Variants in PLXNC1 observed in about 807,000 individuals in gnomAD.
PLXNC1 encodes plexin C1, also known as plexin-C1.
In PLXNC1, 75 loss-of-function variants were observed where a neutral mutation model predicts 178.2. That is an observed-to-expected ratio of 0.42 (90% CI 0.35 to 0.51). The LOEUF is 0.51. Ranked by LOEUF, PLXNC1 falls within the 20% of genes least tolerant of loss-of-function variation. PLXNC1 has a pLI of 0.02. For missense variants in PLXNC1, 1,503 were observed against 1,984.4 expected, an observed-to-expected ratio of 0.76 and a Z score of 4.61; for synonymous variants, 790 against 779.9, an observed-to-expected ratio of 1.01 and a Z score of -0.22.
At chr12:94,274,694 C>T (rs1396690231) in intron 21 of PLXNC1, among the ~76,000 whole-genome samples, 1 of 152,190 alleles carries the variant, frequency 6.6e-6, no homozygotes, top group Non-Finnish European at 1.5e-5. Flanking sequence ...TTGGACCATG[C>T]TTACTTTACA....
At chr12:94,264,262 TC>T (rs1965108504) in intron 20 of PLXNC1, among the ~76,000 whole-genome samples, 3 of 152,042 alleles carry the variant, frequency 2.0e-5, no homozygotes, top group African/African-American at 7.2e-5. Context: ...AATGCAGACA[TC>T]CGTGTCTGCG....
Position 94,248,062 on chromosome 12 carries a change from C to G in PLXNC1, c.2548C>G (p.Arg850Gly). The change falls in exon 13 of 31, where the codon CGG becomes GGG. Residue 850 changes from arginine (R) to glycine (G), a missense_variant. This residue lies in a region of PLXNC1 where 639 missense variants were observed against 979.7 expected (regional missense o/e 0.65). Transcript: ENST00000258526. The stretch of plus-strand genomic sequence containing the variant: ...GGAGGACCCCAGATTCACGGGGTAT[C>G]GGGTGGAATCCGAGGTGGACACAGA... The part of the protein sequence containing the change: ...YREDPRFTGY[R>G]VESEVDTELE... 6.2e-7 allele frequency: 1 copy of G among 1,614,004 alleles called. No individual in the cohort carries two copies. The highest frequency in any genetic ancestry group is 8.5e-7 in the Non-Finnish European group (1 of 1,180,006).
chr12:94,239,541 T>G (rs1292551652), intron 10 of PLXNC1, among the ~76,000 whole-genome samples: 1 of 152,236 alleles, frequency 6.6e-6, no homozygotes, highest in Non-Finnish European at 1.5e-5. Flanking sequence ...GCACATGGCC[T>G]TTAAGTAGTA....
At chr12:94,209,306 G>A (rs866415417) in intron 4 of PLXNC1, among the ~76,000 whole-genome samples, 2 of 152,134 alleles carry the variant, frequency 1.3e-5, no homozygotes, top group Admixed American at 6.5e-5. Context: ...TATATTTGGC[G>A]ATGTCATCTT....
intron 1 of PLXNC1, among the ~76,000 whole-genome samples, chr12:94,161,859 C>A (rs1192486825): frequency 6.6e-6 from 1 of 152,190 alleles, no homozygotes; most frequent in Non-Finnish European, 1.5e-5. Context: ...AATTAAAGAA[C>A]TCAGTAATGA....
intron 14 of PLXNC1, among the ~76,000 whole-genome samples, chr12:94,249,928 T>TGTCGGGGG (rs879785177): frequency 1.2e-5 from 1 of 81,620 alleles, no homozygotes; most frequent in Non-Finnish European, 2.3e-5. Flanking sequence ...AAAGCACCAG[T>TGTCGGGGG]GTGGGGGGGT....
At chr12:94,226,012 A>G (rs1963927382) in intron 7 of PLXNC1, among the ~76,000 whole-genome samples, 1 of 152,160 alleles carries the variant, frequency 6.6e-6, no homozygotes, top group Admixed American at 6.5e-5. Flanking sequence ...TTCCAGATCA[A>G]CCCTGATTTC....
At chr12:94,238,398 T>C (rs1964296282) in intron 10 of PLXNC1, among the ~76,000 whole-genome samples, 1 of 152,172 alleles carries the variant, frequency 6.6e-6, no homozygotes, top group South Asian at 2.1e-4. Flanking sequence ...TTTCTGTCAC[T>C]TCTTTCCCAA....
At chr12:94,152,903 T>G (rs1961012265) in intron 1 of PLXNC1, among the ~76,000 whole-genome samples, 1 of 152,260 alleles carries the variant, frequency 6.6e-6, no homozygotes, top group South Asian at 2.1e-4. Flanking sequence ...GAGTGTGTAC[T>G]CAGCTGTTTA....
At chr12:94,213,780 T>C (rs1189286504) in intron 5 of PLXNC1, among the ~76,000 whole-genome samples, 1 of 152,178 alleles carries the variant, frequency 6.6e-6, no homozygotes, top group Non-Finnish European at 1.5e-5. Flanking sequence ...GTTTTTATGG[T>C]TTTAGGTCTA....
At chr12:94,178,636 G>C (rs1327712065) in intron 2 of PLXNC1, among the ~76,000 whole-genome samples, 1 of 152,220 alleles carries the variant, frequency 6.6e-6, no homozygotes, top group Non-Finnish European at 1.5e-5. Context: ...CTGTAGAGCA[G>C]TGTTGGCCAA....
At chr12:94,278,847 AAT>A (rs1966199195) in intron 21 of PLXNC1, among the ~76,000 whole-genome samples, 2 of 152,070 alleles carry the variant, frequency 1.3e-5, no homozygotes, top group African/African-American at 4.8e-5. Flanking sequence ...AAAATACAAA[AAT>A]TAGCCAGGCA....
At chr12:94,287,911 G>A (rs1209150504) in intron 23 of PLXNC1, among the ~76,000 whole-genome samples, 2 of 152,224 alleles carry the variant, frequency 1.3e-5, no homozygotes, top group East Asian at 1.9e-4. Context: ...CGCTCCATGA[G>A]GTGAATACTA....
chr12:94,283,195 G>A (rs1180326622), intron 23 of PLXNC1, among the ~76,000 whole-genome samples: 1 of 152,196 alleles, frequency 6.6e-6, no homozygotes, highest in Non-Finnish European at 1.5e-5. Context: ...CACCTTGCGT[G>A]TAGTAGTGCT....
chr12:94,209,715 A>G lies in PLXNC1; in HGVS notation c.1554+11A>G, dbSNP rs991377321. 6.7e-7 allele frequency: 1 copy of G among 1,497,130 alleles called. No homozygotes were observed. The highest frequency in any genetic ancestry group is 9.3e-7 in the Non-Finnish European group (1 of 1,074,332). The allele number at this position is 1,497,130 out of a possible 1,614,324, so 92.7% of individuals were successfully genotyped here. A position where few individuals can be genotyped will look rare whatever the true frequency, so the allele number is the denominator to read the frequency against. On this transcript the variant is annotated intron_variant, in intron 5 of 30. Coordinates refer to ENST00000258526, the MANE Select transcript of PLXNC1 (RefSeq NM_005761.3). ...AGCAGTAAAGAAAAGGTAAGAGGAA[A>G]GATTTTAATTTGTCCTCGTTGTATT...
At chr12:94,174,419 C>G (rs1403511105) in intron 2 of PLXNC1, among the ~76,000 whole-genome samples, 2 of 152,112 alleles carry the variant, frequency 1.3e-5, no homozygotes, top group East Asian at 3.9e-4. Flanking sequence ...CTCAAGAGAT[C>G]CTCCCACCTC....
At chr12:94,153,950 C>T (rs1400602322) in intron 1 of PLXNC1, among the ~76,000 whole-genome samples, 4 of 152,166 alleles carry the variant, frequency 2.6e-5, no homozygotes, top group South Asian at 2.1e-4. Flanking sequence ...ATGTTTATTT[C>T]TCTTCCAGCT....
At chr12:94,271,526 C>T (rs769111362) in intron 21 of PLXNC1, among the ~76,000 whole-genome samples, 15 of 152,180 alleles carry the variant, frequency 9.9e-5, no homozygotes, top group Non-Finnish European at 2.2e-4. Context: ...AGGCCGTGTG[C>T]AGAAGAGGTG....
chr12:94,254,968 G>A, intron 16 of PLXNC1, 80 bp downstream of exon 16: 3 of 1,152,158 alleles, frequency 2.6e-6, no homozygotes, highest in Non-Finnish European at 3.8e-6. Flanking sequence ...CATAGAGATG[G>A]CCACAGTAAT....
Sources: allele counts gnomAD v4.1 joint callset (sites outside exome capture counted in the v4.1 genomes callset), GRCh38; gene constraint gnomAD v4.1.1; regional missense constraint gnomAD v4.1.1; transcripts MANE v1.5; gene names NCBI Gene and HGNC (gene_info 2026-07-23, HGNC 2026-07-21).